The following DMD variants were observed in gnomAD, a reference collection of about 807,000 sequenced individuals.
The protein encoded by DMD is dystrophin.
In DMD, 63 loss-of-function variants were observed where a neutral mutation model predicts 330.1. The ratio of observed to expected loss-of-function variants is 0.19; its 90% CI spans 0.16 to 0.24. The LOEUF (loss-of-function observed/expected upper bound fraction) is 0.24, where lower values mean the gene tolerates loss of function less well. Ranked by LOEUF, DMD falls within the 10% of genes least tolerant of loss-of-function variation. DMD has a pLI of 1.00. For synonymous variants in DMD, 1,223 were observed against 959.8 expected, an observed-to-expected ratio of 1.27 and a Z score of -5.07; for missense variants, 3,344 against 2,684.1, an observed-to-expected ratio of 1.25 and a Z score of -5.43.
intron 41 of DMD, among the ~76,000 whole-genome samples, chrX:32,331,863 T>C (rs1299186952): frequency 8.9e-6 from 1 of 111,917 alleles, no homozygotes; most frequent in Non-Finnish European, 1.9e-5. Context: ...TACAAGAATA[T>C]TAAACTGTAA....
At chrX:32,988,133 A>G (rs1009521561) in intron 2 of DMD, among the ~76,000 whole-genome samples, 7 of 111,219 alleles carry the variant, frequency 6.3e-5, no homozygotes, top group Middle Eastern at 4.2e-3. Context: ...AGACATTTCA[A>G]TTAGAACTTC....
chrX:31,449,793 T>G (rs1168364772), intron 59 of DMD, among the ~76,000 whole-genome samples: 2 of 91,081 alleles, frequency 2.2e-5, no homozygotes, highest in South Asian at 5.3e-4. Flanking sequence ...TATATATATA[T>G]ATATAGATAG....
intron 7 of DMD, among the ~76,000 whole-genome samples, chrX:32,775,779 T>C (rs895254550): frequency 4.7e-4 from 53 of 113,088 alleles, no homozygotes; most frequent in Non-Finnish European, 8.8e-4. Flanking sequence ...TTCCCCATTG[T>C]CTTGGCTACT....
At chrX:32,519,091 A>G in intron 17 of DMD, among the ~76,000 whole-genome samples, 1 of 91,452 alleles carries the variant, frequency 1.1e-5, no homozygotes, top group Non-Finnish European at 2.1e-5. Flanking sequence ...GGTATAGAAG[A>G]GCCAAAATAT....
intron 62 of DMD, among the ~76,000 whole-genome samples, chrX:31,304,647 C>A (rs1322005673): frequency 9.2e-6 from 1 of 108,303 alleles, no homozygotes; most frequent in Non-Finnish European, 1.9e-5. Context: ...TTTACAATAG[C>A]TGGTACAATA....
intron 64 of DMD, among the ~76,000 whole-genome samples, chrX:31,210,603 A>G (rs2044559181): frequency 1.8e-5 from 2 of 112,087 alleles, no homozygotes; most frequent in African/African-American, 6.5e-5. Context: ...TACCTTATAC[A>G]CCTAAGCTCT....
chrX:31,303,449 C>T (rs920999620), intron 62 of DMD, among the ~76,000 whole-genome samples: 1 of 111,779 alleles, frequency 8.9e-6, no homozygotes, highest in Non-Finnish European at 1.9e-5. Flanking sequence ...TAAAGAATTA[C>T]CAACTGTGCA....
At chrX:33,009,185 T>C (rs752519103) in intron 2 of DMD, among the ~76,000 whole-genome samples, 1 of 19,956 alleles carries the variant, frequency 5.0e-5, no homozygotes, top group African/African-American at 1.8e-4. Flanking sequence ...TATATATACG[T>C]ATATATGTAT....
chrX:31,639,809 G>A (rs1453166736), intron 54 of DMD, among the ~76,000 whole-genome samples: 2 of 111,112 alleles, frequency 1.8e-5, no homozygotes, highest in African/African-American at 6.6e-5. Context: ...TACATATTTT[G>A]GCTTATAATC....
intron 62 of DMD, among the ~76,000 whole-genome samples, chrX:31,297,641 T>C (rs2054288804): frequency 2.7e-5 from 3 of 112,121 alleles, no homozygotes; most frequent in Admixed American, 9.5e-5. Flanking sequence ...CTTTCCCTTA[T>C]GAGTTTGAGT....
chrX:31,438,338 GTCCAT>G (rs1407098573), intron 60 of DMD, among the ~76,000 whole-genome samples: 1 of 111,498 alleles, frequency 9.0e-6, no homozygotes, highest in African/African-American at 3.3e-5. Flanking sequence ...TCAAAGTGTG[GTCCAT>G]GATTCAGCAG....
At chrX:33,003,002 T>A (rs1182355373) in intron 2 of DMD, among the ~76,000 whole-genome samples, 2 of 110,658 alleles carry the variant, frequency 1.8e-5, no homozygotes, top group Non-Finnish European at 3.8e-5. Context: ...TAAATTTTTT[T>A]ATTTTAATAC....
intron 43 of DMD, among the ~76,000 whole-genome samples, chrX:32,252,885 TATA>T (rs1480945774): frequency 2.5e-5 from 2 of 79,661 alleles, no homozygotes; most frequent in Non-Finnish European, 4.5e-5. Context: ...TAAAAATATA[TATA>T]AATATATATA....
chrX:31,760,008 T>C (rs1023484557), intron 51 of DMD, among the ~76,000 whole-genome samples: 16 of 111,962 alleles, frequency 1.4e-4, no homozygotes, highest in Non-Finnish European at 3.8e-5. Flanking sequence ...CATGGAGAAA[T>C]CACTGAGAAA....
chrX:31,690,714 A>C (rs1205762208), intron 52 of DMD, among the ~76,000 whole-genome samples: 1 of 112,124 alleles, frequency 8.9e-6, no homozygotes, highest in Admixed American at 9.5e-5. Flanking sequence ...ACCTGGAACC[A>C]ATCCAAATGT....
Position 32,123,406 on chromosome X carries a change from G to A in DMD, c.6438+93510C>T, listed in dbSNP as rs1603626378. ...GAATTTCTGTTTCAGTAGGTCTGTT[G>A]TGAGGCTCAAGAATGGGCATTTCTA... is the stretch of plus-strand genomic sequence containing the variant. On this transcript the variant is annotated intron_variant, in intron 44 of 78. Transcript: ENST00000357033. Among the ~76,000 whole-genome samples, 4 of 106,190 alleles carry A rather than the reference G, an allele frequency of 3.8e-5. No individual in the cohort carries two copies. The South Asian group carries it at 1.7e-3, about 45-fold the overall frequency. 92.2% of individuals were successfully genotyped at this position (106,190 alleles called of 115,157 possible).
At chrX:32,039,039 C>A (rs770096419) in intron 44 of DMD, among the ~76,000 whole-genome samples, 6 of 111,289 alleles carry the variant, frequency 5.4e-5, no homozygotes, top group Non-Finnish European at 9.4e-5. Flanking sequence ...AGTTACTGAT[C>A]TTCTCTGAGC....
intron 7 of DMD, among the ~76,000 whole-genome samples, chrX:32,753,091 T>G (rs898730487): frequency 1.4e-4 from 16 of 111,319 alleles, no homozygotes; most frequent in Non-Finnish European, 2.6e-4. Flanking sequence ...TCCTCCCTCA[T>G]GCCTTTACCC....
At chrX:32,615,279 G>A (rs552884454) in intron 11 of DMD, among the ~76,000 whole-genome samples, 1 of 111,436 alleles carries the variant, frequency 9.0e-6, no homozygotes, top group African/African-American at 3.3e-5. Flanking sequence ...CAAAGATATA[G>A]AAAATAGTGG....
Sources: allele counts gnomAD v4.1 joint callset (sites outside exome capture counted in the v4.1 genomes callset), GRCh38; gene constraint gnomAD v4.1.1; transcripts MANE v1.5; gene names NCBI Gene and HGNC (gene_info 2026-07-23, HGNC 2026-07-21).